Variants in MICU3 observed in about 807,000 individuals in gnomAD.
MICU3 encodes the protein mitochondrial calcium uptake 3.
In MICU3, 62 loss-of-function variants were observed where a neutral mutation model predicts 66.5. The ratio of observed to expected loss-of-function variants is 0.93; its 90% CI spans 0.76 to 1.15. The LOEUF (loss-of-function observed/expected upper bound fraction) is 1.15, where lower values mean the gene tolerates loss of function less well. MICU3 is among the 50% of genes most tolerant of loss of function. The pLI is 0.00. For missense variants in MICU3, 779 were observed against 664.4 expected (o/e 1.17, Z -1.90); for synonymous variants, 308 against 240.7 (o/e 1.28, Z -2.59).
chr8:17,052,548 C>A (rs1319167260), intron 1 of MICU3, among the ~76,000 whole-genome samples: 1 of 152,096 alleles, frequency 6.6e-6, no homozygotes, highest in Non-Finnish European at 1.5e-5. Flanking sequence ...TATCGTTGTA[C>A]AATTAGAGGC....
At chr8:17,073,243 C>G (rs1237947589) in intron 3 of MICU3, among the ~76,000 whole-genome samples, 1 of 152,110 alleles carries the variant, frequency 6.6e-6, no homozygotes, top group Admixed American at 6.5e-5. Flanking sequence ...CAGATCGCCC[C>G]CTTCCCGTGA....
chr8:17,118,491 A>T (rs1259767610), intron 13 of MICU3, among the ~76,000 whole-genome samples: 1 of 152,198 alleles, frequency 6.6e-6, no homozygotes, highest in Non-Finnish European at 1.5e-5. Flanking sequence ...ACTGCACAAT[A>T]GATCTCAAAA....
chr8:17,028,499 A>C (rs78622237), intron 1 of MICU3, among the ~76,000 whole-genome samples: 5 of 152,182 alleles, frequency 3.3e-5, no homozygotes, highest in Non-Finnish European at 5.9e-5. Flanking sequence ...GACTAGGAAA[A>C]TTAAGGAGAT....
At chr8:17,090,637 C>A (rs1317985261) in intron 8 of MICU3, 53 bp downstream of exon 8, 1 of 1,347,466 alleles carries the variant, frequency 7.4e-7, no homozygotes, top group Non-Finnish European at 1.0e-6. Flanking sequence ...ACCTGTTATA[C>A]TTGATAATGT....
intron 14 of MICU3, 65 bp downstream of exon 14, chr8:17,118,840 T>C (rs1802946836): frequency 7.4e-6 from 7 of 942,804 alleles, no homozygotes; most frequent in Non-Finnish European, 1.2e-5. Context: ...TATTTTTCTG[T>C]TATAACATTT....
chr8:17,044,913 C>A (rs1814801595), intron 1 of MICU3, among the ~76,000 whole-genome samples: 2 of 152,152 alleles, frequency 1.3e-5, no homozygotes, highest in Admixed American at 6.5e-5. Context: ...AATTGGCCTT[C>A]CAGAAATTCT....
intron 1 of MICU3, among the ~76,000 whole-genome samples, chr8:17,046,359 A>C (rs1815089443): frequency 6.6e-6 from 1 of 152,174 alleles, no homozygotes; most frequent in African/African-American, 2.4e-5. Flanking sequence ...TGGTCACAGA[A>C]GTCTTCTGTG....
intron 13 of MICU3, among the ~76,000 whole-genome samples, chr8:17,118,293 G>A (rs2517042): frequency 0.63 from 95,697 of 151,756 alleles, 30,322 homozygotes; most frequent in Admixed American, 0.66. Context: ...TTAATCAACA[G>A]ATAATAGCAT....
chr8:17,036,444 TCTGG>T (rs1314618725), intron 1 of MICU3, among the ~76,000 whole-genome samples: 3 of 152,134 alleles, frequency 2.0e-5, no homozygotes, highest in Non-Finnish European at 4.4e-5. Flanking sequence ...TATTCTCTTA[TCTGG>T]CCCCATCCAC....
At chr8:17,129,765 A>T in the MICU3 span, among the ~76,000 whole-genome samples, 15 of 152,220 alleles carry the variant, frequency 9.9e-5, no homozygotes, top group Non-Finnish European at 1.8e-4. Flanking sequence ...ATTCTTCCCA[A>T]ATTTGAAGAA....
chr8:17,136,905 G>T, the MICU3 span, among the ~76,000 whole-genome samples: 1 of 150,754 alleles, frequency 6.6e-6, no homozygotes, highest in African/African-American at 2.4e-5. Context: ...CGTGATCTCA[G>T]CTCACTGCAA....
chr8:17,103,911 G>C (rs115764890), intron 9 of MICU3, among the ~76,000 whole-genome samples: 1 of 151,798 alleles, frequency 6.6e-6, no homozygotes, highest in African/African-American at 2.4e-5. Flanking sequence ...AAAGGAAGCT[G>C]TTTTGTGAAG....
intron 8 of MICU3, among the ~76,000 whole-genome samples, chr8:17,093,333 G>A (rs1585458281): frequency 6.6e-6 from 1 of 151,864 alleles, no homozygotes; most frequent in East Asian, 1.9e-4. Flanking sequence ...TTTCATTGCT[G>A]ACAGAAAACA....
At chr8:17,114,038 G>GGTGTTAGTC in intron 11 of MICU3, 55 bp from the exon 12 acceptor site, 1 of 1,163,080 alleles carries the variant, frequency 8.6e-7, no homozygotes, top group South Asian at 1.4e-5. Context: ...TGTAGATCCT[G>GGTGTTAGTC]ATTTTAATAA....
chr8:17,028,599 A>G (rs1296987926), intron 1 of MICU3, among the ~76,000 whole-genome samples: 1 of 152,242 alleles, frequency 6.6e-6, no homozygotes, highest in Non-Finnish European at 1.5e-5. Context: ...CAATTTTTAT[A>G]GGCTTTGTTC....
chr8:17,068,512 T>A (rs938155825), intron 2 of MICU3, among the ~76,000 whole-genome samples: 5 of 152,200 alleles, frequency 3.3e-5, no homozygotes, highest in African/African-American at 1.2e-4. Flanking sequence ...ATTGTTCTGT[T>A]CATTGTTAAA....
intron 1 of MICU3, among the ~76,000 whole-genome samples, chr8:17,028,712 G>C (rs1412318614): frequency 6.6e-6 from 1 of 152,112 alleles, no homozygotes; most frequent in East Asian, 1.9e-4. Flanking sequence ...TCTAGCAGCA[G>C]ATCACAAGCA....
chr8:17,106,558 T>C (rs2150816213), intron 11 of MICU3, among the ~76,000 whole-genome samples: 1 of 151,900 alleles, frequency 6.6e-6, no homozygotes, highest in African/African-American at 2.4e-5. Flanking sequence ...TTTTTTTTTT[T>C]TTTTGCTTTT....
At chr8:17,082,378 T>C (rs1390363000) in intron 5 of MICU3, among the ~76,000 whole-genome samples, 1 of 152,132 alleles carries the variant, frequency 6.6e-6, no homozygotes, top group Non-Finnish European at 1.5e-5. Context: ...ATCATTTAGG[T>C]TTCCTTTCAA....
Sources: allele counts gnomAD v4.1 joint callset (sites outside exome capture counted in the v4.1 genomes callset), GRCh38; gene constraint gnomAD v4.1.1; transcripts MANE v1.5; gene names NCBI Gene and HGNC (gene_info 2026-07-23, HGNC 2026-07-21).